Variants in PIP4K2C observed in about 807,000 individuals in gnomAD.
PIP4K2C encodes phosphatidylinositol 5-phosphate 4-kinase type-2 gamma.
PIP4K2C carries 21 observed loss-of-function variants against 45.0 expected under a neutral mutation model. That is an observed-to-expected ratio of 0.47 (90% CI 0.33 to 0.67). The LOEUF (loss-of-function observed/expected upper bound fraction) is 0.67. Among genes scored for constraint, PIP4K2C ranks in the 30% least tolerant of loss-of-function variants. The probability of loss-of-function intolerance (pLI) is 0.02; values close to 1 mark genes in which losing one functional copy is unlikely to be tolerated. For synonymous variants in PIP4K2C, 201 were observed against 204.8 expected (o/e 0.98, Z 0.16); for missense variants, 456 against 542.8 (o/e 0.84, Z 1.59).
chr12:57,596,553 A>G (rs1346938985), intron 4 of PIP4K2C, among the ~76,000 whole-genome samples: 1 of 152,088 alleles, frequency 6.6e-6, no homozygotes. Context: ...ATGTTTTGGC[A>G]GTAAAAACAC....
At position 57,599,126 on chromosome 12, in the gene PIP4K2C, G is replaced by T. The variant is rs1328965201; in HGVS notation, c.575G>T (p.Ser192Ile). Reference sequence around the variant, plus strand: ...CAGTTCCTGGGGATGTACCGAGTCAGTGTGGACAACGAAGACAGCTACATG... The same window carrying T: ...CAGTTCCTGGGGATGTACCGAGTCATTGTGGACAACGAAGACAGCTACATG... ...LPQFLGMYRV[S>I]VDNEDSYMLV... Residue 192 changes from serine (S) to isoleucine (I), a missense_variant, in exon 5 of 10, where the codon AGT (serine) becomes ATT (isoleucine). Physicochemically the swap from Ser to Ile is moderately radical, Grantham distance 142. This residue lies in a region of PIP4K2C where 421 missense variants were observed against 473.1 expected (regional missense o/e 0.89). Coordinates refer to ENST00000354947, the MANE Select transcript of PIP4K2C (RefSeq NM_024779.5). 3 of 1,614,198 alleles carry T rather than the reference G, an allele frequency of 1.9e-6. No individual in the cohort carries two copies. Among genetic ancestry groups the T allele is most frequent in the Admixed American group, 1.7e-5 (1 of 60,026 alleles).
At chr12:57,601,389 T>C in intron 9 of PIP4K2C, 41 bp downstream of exon 9, 1 of 1,571,414 alleles carries the variant, frequency 6.4e-7, no homozygotes, top group Non-Finnish European at 8.8e-7. Flanking sequence ...GTCTTGACTA[T>C]TCTTTGGGAA....
rs79719376 is a variant in PIP4K2C, at chr12:57,595,251, C to T, written c.369+29C>T. 5,969 of 1,400,436 alleles carry T rather than the reference C, an allele frequency of 4.3e-3. 148 individuals are homozygous for T. The East Asian group carries it at 0.062, about 15-fold the overall frequency. 86.8% of individuals were successfully genotyped at this position (1,400,436 alleles called of 1,614,324 possible). A position where few individuals can be genotyped will look rare whatever the true frequency, so the allele number is the denominator to read the frequency against. On this transcript the variant is annotated intron_variant, in intron 3 of 9. Coordinates refer to ENST00000354947, the MANE Select transcript of PIP4K2C (RefSeq NM_024779.5). ...AGAGTCCATTAAGGGGTGAGGGTAG[C>T]CCTTTCTCCCCAGCAACTGAGGAGT... is the stretch of plus-strand genomic sequence containing the variant.
intron 5 of PIP4K2C, 64 bp from the exon 6 acceptor site, chr12:57,599,336 G>C: frequency 6.2e-7 from 1 of 1,609,920 alleles, no homozygotes; most frequent in East Asian, 2.2e-5. Context: ...ACTCATCTTA[G>C]GGGCTGGGTT....
Position 57,601,311 on chromosome 12 carries a change from A to G in PIP4K2C, c.1148A>G (p.Lys383Arg). 1 of 1,614,038 alleles carries G rather than the reference A, an allele frequency of 6.2e-7. No homozygotes were observed. The highest frequency in any genetic ancestry group is 8.5e-7 in the Non-Finnish European group (1 of 1,179,904). ...IDILTQYDAK[K>R]KAAHAAKTVK... ...ATCCTTACACAGTATGATGCTAAGA[A>G]GAAAGCAGCTCATGCAGCCAAAACT... Residue 383 changes from lysine (K) to arginine (R), a missense_variant, in exon 9 of 10, where the codon AAG (lysine) becomes AGG (arginine). Around this residue, in one of 2 missense-constraint regions of PIP4K2C, gnomAD observed 35 missense variants for 69.7 expected, o/e 0.50. Transcript: ENST00000354947.
intron 3 of PIP4K2C, among the ~76,000 whole-genome samples, 184 bp downstream of exon 3, chr12:57,595,406 G>A (rs570861038): frequency 3.9e-4 from 60 of 152,320 alleles, no homozygotes; most frequent in Non-Finnish European, 5.3e-4. Flanking sequence ...AAAAGATGTA[G>A]ATACATTAAG....
At position 57,600,420 on chromosome 12, in the gene PIP4K2C, C is replaced by T. The variant is rs1883377562; in HGVS notation, c.796C>T (p.Leu266=). Residue 266 remains leucine (L), a synonymous_variant, in exon 7 of 10, where the codon CTG becomes TTG. Coordinates refer to ENST00000354947, the MANE Select transcript of PIP4K2C (RefSeq NM_024779.5). ...GGAGAAGAAAATATTTCTGGAGAAG[C>T]TGAAGAGAGATGTGGAGGTGATGAT... The part of the protein sequence containing the change: ...EEEKKIFLEK[L]KRDVEFLVQL... The T allele has an allele frequency of 6.2e-7, 1 of 1,603,914 alleles. No individual in the cohort carries two copies. The highest frequency in any genetic ancestry group is 1.7e-5 in the Admixed American group (1 of 59,928).
At chr12:57,597,609 C>G (rs980398821) in intron 4 of PIP4K2C, among the ~76,000 whole-genome samples, 1 of 151,876 alleles carries the variant, frequency 6.6e-6, no homozygotes, top group African/African-American at 2.4e-5. Context: ...GCTATAGATA[C>G]GATTATTGTA....
intron 1 of PIP4K2C, among the ~76,000 whole-genome samples, chr12:57,592,031 T>C (rs1055594462): frequency 6.6e-6 from 1 of 152,184 alleles, no homozygotes; most frequent in Non-Finnish European, 1.5e-5. Context: ...TTAGAGAAGC[T>C]ACCCCACCCT....
At chr12:57,593,935 G>A (rs1177740260) in intron 1 of PIP4K2C, 90 bp from the exon 2 acceptor site, 2 of 822,646 alleles carry the variant, frequency 2.4e-6, no homozygotes, top group East Asian at 2.5e-5. Context: ...GGTCTGAGTG[G>A]CCCTTGCATG....
rs755181342 is a variant in PIP4K2C, at chr12:57,596,050, C to A, written c.513+19C>A. On this transcript the variant is annotated intron_variant, in intron 4 of 9. Coordinates refer to ENST00000354947, the MANE Select transcript of PIP4K2C (RefSeq NM_024779.5). ...TCACCAGGTCAGGCCTCTCTCTAGCCCCATTCTTTCCCTCTCCTCCCTACT... is the reference window on the plus strand; with the variant it reads ...TCACCAGGTCAGGCCTCTCTCTAGCACCATTCTTTCCCTCTCCTCCCTACT... The A allele has an allele frequency of 6.2e-7, 1 of 1,608,236 alleles. No homozygotes were observed. The highest frequency in any genetic ancestry group is 1.1e-5 in the South Asian group (1 of 90,918).
intron 1 of PIP4K2C, 23 bp downstream of exon 1, chr12:57,591,486 C>T (rs768670460): frequency 1.1e-5 from 18 of 1,590,864 alleles, no homozygotes; most frequent in African/African-American, 4.1e-5. Context: ...CCTAGACCCC[C>T]GCAGCCCTGT....
chr12:57,593,850 T>C (rs902640732), intron 1 of PIP4K2C, among the ~76,000 whole-genome samples, 175 bp from the exon 2 acceptor site: 26 of 152,034 alleles, frequency 1.7e-4, no homozygotes, highest in African/African-American at 6.3e-4. Context: ...TAGTCCTTCT[T>C]GGGCAGCAGA....
At chr12:57,600,471 T>A in intron 7 of PIP4K2C, 34 bp downstream of exon 7, 1 of 1,423,080 alleles carries the variant, frequency 7.0e-7, no homozygotes, top group African/African-American at 1.4e-5. Context: ...ATGGCTTTCC[T>A]TTTTTTGCTC....
In PIP4K2C at chr12:57,595,100, T is replaced by C. The variant is rs201596712; in HGVS notation, c.273-26T>C. ...TATGTAAATGTAATATTGTTTGTTT[T>C]CTTACTTTGAAAACCTGAATTTCAG... On this transcript the variant is annotated intron_variant, in intron 2 of 9. Transcript: ENST00000354947. 12 of 1,420,918 alleles carry C rather than the reference T, an allele frequency of 8.4e-6. No homozygotes were observed. In the East Asian group the frequency reaches 2.5e-4, roughly 30 times the overall value. 88.0% of individuals were successfully genotyped at this position (1,420,918 alleles called of 1,614,324 possible). A position where few individuals can be genotyped will look rare whatever the true frequency, so the allele number is the denominator to read the frequency against.
chr12:57,591,372 C>G lies in PIP4K2C; in HGVS notation c.83C>G (p.Thr28Ser). Residue 28 changes from threonine to serine, a missense_variant, in exon 1 of 10, where the codon ACC becomes AGC. Around this residue, in one of 2 missense-constraint regions of PIP4K2C, gnomAD observed 421 missense variants for 473.1 expected, o/e 0.89. Transcript: ENST00000354947. ...PGPGFGFASKTKKKHFVQQKV... is the reference protein window; with the variant it reads ...PGPGFGFASKSKKKHFVQQKV... ...CCAGGTTTCGGCTTCGCCTCCAAGA[C>G]CAAGAAGAAGCATTTCGTGCAGCAG... The G allele has an allele frequency of 1.2e-6, 2 of 1,613,942 alleles. No homozygotes were observed. The highest frequency in any genetic ancestry group is 1.7e-6 in the Non-Finnish European group (2 of 1,179,928).
Position 57,595,159 on chromosome 12 carries a change from G to A in PIP4K2C, c.306G>A (p.Glu102=). The A allele has an allele frequency of 6.2e-7, 1 of 1,611,938 alleles. No homozygotes were observed. The highest frequency in any genetic ancestry group is 1.7e-5 in the Admixed American group (1 of 60,016). Residue 102 remains glutamate (E), a synonymous_variant, in exon 3 of 10, where the codon GAG becomes GAA. Coordinates refer to ENST00000354947, the MANE Select transcript of PIP4K2C (RefSeq NM_024779.5). ...ENLPSHFKFK[E]YCPQVFRNLR... Reference sequence around the variant, plus strand: ...TGCCCAGTCATTTCAAGTTCAAGGAGTATTGTCCCCAGGTCTTCAGGAACC... The same window carrying A: ...TGCCCAGTCATTTCAAGTTCAAGGAATATTGTCCCCAGGTCTTCAGGAACC...
chr12:57,601,232 G>A lies in PIP4K2C; in HGVS notation c.1082-13G>A. The A allele has an allele frequency of 6.2e-7, 1 of 1,607,188 alleles. No homozygotes were observed. Among genetic ancestry groups the A allele is most frequent in the African/African-American group, 1.3e-5 (1 of 74,784 alleles). Reference sequence around the variant, plus strand: ...GAACTAAACCTACTCTGAATTGTTGGTCTCTCTCCCAGGAGCCCCCCAGAA... The same window carrying A: ...GAACTAAACCTACTCTGAATTGTTGATCTCTCTCCCAGGAGCCCCCCAGAA... On this transcript the variant is annotated splice_polypyrimidine_tract_variant and intron_variant, in intron 8 of 9. Coordinates refer to ENST00000354947, the MANE Select transcript of PIP4K2C (RefSeq NM_024779.5).
intron 1 of PIP4K2C, among the ~76,000 whole-genome samples, chr12:57,592,849 GA>G (rs1383745279): frequency 6.6e-6 from 1 of 151,720 alleles, no homozygotes; most frequent in East Asian, 1.9e-4. Context: ...AGGTGGGGAG[GA>G]GGGGGCAGGA....
Sources: gnomAD v4.1 joint callset for allele counts (sites outside exome capture counted in the v4.1 genomes callset) on GRCh38, gnomAD v4.1.1 for gene constraint, gnomAD v4.1.1 regional missense constraint, MANE v1.5 for transcripts, NCBI Gene and HGNC (gene_info 2026-07-23, HGNC 2026-07-21) for gene names.